The following AGAP3 variants were observed in gnomAD, a reference collection of about 807,000 sequenced individuals.
AGAP3 encodes ArfGAP with GTPase domain, ankyrin repeat and PH domain 3.
Under a neutral mutation model 96.9 loss-of-function variants are expected in AGAP3, and 24 were observed. That is an observed-to-expected ratio of 0.25 (90% CI 0.18 to 0.35). AGAP3 has a LOEUF of 0.35. Ranked by LOEUF, AGAP3 falls within the 10% of genes least tolerant of loss-of-function variation. The probability of loss-of-function intolerance (pLI) is 1.00; values close to 1 mark genes in which losing one functional copy is unlikely to be tolerated. For synonymous variants in AGAP3, 563 were observed against 536.1 expected (o/e 1.05, Z -0.69); for missense variants, 876 against 1,254.2 (o/e 0.70, Z 4.55).
rs1366813918 is a variant in AGAP3 at position 151,086,902 on chromosome 7, C to T, written c.161C>T (p.Ala54Val). The T allele has an allele frequency of 1.4e-6, 2 of 1,464,814 alleles. No individual in the cohort carries two copies. Among genetic ancestry groups the T allele is most frequent in the Non-Finnish European group, 1.8e-6 (2 of 1,100,248 alleles). The allele number at this position is 1,464,814 out of a possible 1,614,324, so 90.7% of individuals were successfully genotyped here. Residue 54 changes from alanine to valine, a missense_variant, in exon 1 of 18, where the codon GCC becomes GTC. Ala to Val is a moderately conservative substitution (Grantham distance 64, BLOSUM62 0). Coordinates refer to ENST00000397238, the MANE Select transcript of AGAP3 (RefSeq NM_031946.7). ...GGGGGPSQQLAGGPPQQFALS... is the reference protein window; with the variant it reads ...GGGGGPSQQLVGGPPQQFALS... ...GGCGGCGGCCCCTCGCAGCAGCTGGCCGGCGGGCCCCCCCAGCAGTTCGCG... is the reference window on the plus strand; with the variant it reads ...GGCGGCGGCCCCTCGCAGCAGCTGGTCGGCGGGCCCCCCCAGCAGTTCGCG...
At chr7:151,093,234 T>C (rs1554460578) in intron 1 of AGAP3, among the ~76,000 whole-genome samples, 1 of 152,184 alleles carries the variant, frequency 6.6e-6, no homozygotes, top group Non-Finnish European at 1.5e-5. Flanking sequence ...CTCAAAATCT[T>C]GGGCTCAAGC....
intron 1 of AGAP3, among the ~76,000 whole-genome samples, chr7:151,105,320 A>C (rs529327349): frequency 1.1e-4 from 17 of 152,328 alleles, no homozygotes; most frequent in Admixed American, 9.8e-4. Flanking sequence ...AACATAAAAG[A>C]AGCAAAAGAA....
chr7:151,140,328 TGAA>T lies in AGAP3; in HGVS notation c.1804+213_1804+215del. On this transcript the variant is annotated intron_variant, in intron 13 of 17. Coordinates refer to ENST00000397238, the MANE Select transcript of AGAP3 (RefSeq NM_031946.7). This position sits in a 1 kb window ranked among gnomAD's most constrained non-coding sequence, Gnocchi z 5.4. ...TTCTGATAACTGAAACCCTTTCTGT[TGAA>T]ATGTGGGCTTACTTCATTTATTCTT... 1 of 455,854 alleles carries T rather than the reference TGAA, an allele frequency of 2.2e-6. No individual in the cohort carries two copies. The highest frequency in any genetic ancestry group is 2.0e-5 in the African/African-American group (1 of 49,374). 28.2% of individuals were successfully genotyped at this position (455,854 alleles called of 1,614,324 possible).
rs982748686 is a variant in AGAP3 at position 151,139,431 on chromosome 7, T to G, written c.1667-548T>G. 2 of 152,248 alleles carry G rather than the reference T, an allele frequency of 1.3e-5. No homozygotes were observed. Among genetic ancestry groups the G allele is most frequent in the African/African-American group, 4.8e-5 (2 of 41,412 alleles). 9.4% of individuals were successfully genotyped at this position (152,248 alleles called of 1,614,324 possible). A position where few individuals can be genotyped will look rare whatever the true frequency, so the allele number is the denominator to read the frequency against. ...GTCCGGTGGCCTGTGCTGGCCTGCG[T>G]GAGGGCCCTCTGTTGAGTCTGGAAG... On this transcript the variant is annotated intron_variant, in intron 12 of 17. Transcript: ENST00000397238. This position sits in a 1 kb window ranked among gnomAD's most constrained non-coding sequence, Gnocchi z 4.9.
In AGAP3 at chr7:151,114,508, C is replaced by G. The variant is rs1799442635; in HGVS notation, c.332-2285C>G. The stretch of plus-strand genomic sequence containing the variant: ...GTTTTCGAGGGCTCCCAGGGGCTGC[C>G]CCAGCAGGCCGGCTCCCCCGCGCCG... On this transcript the variant is annotated intron_variant, in intron 1 of 17. Transcript: ENST00000397238. The surrounding 1 kb of genome is among the most constrained non-coding windows in gnomAD (Gnocchi z 4.4). Among the ~76,000 whole-genome samples, 1 of 152,194 alleles carries G rather than the reference C, an allele frequency of 6.6e-6. No individual in the cohort carries two copies. The highest frequency in any genetic ancestry group is 2.1e-4 in the South Asian group (1 of 4,838).
intron 1 of AGAP3, among the ~76,000 whole-genome samples, chr7:151,093,145 G>GTA (rs1360463166): frequency 1.3e-5 from 2 of 152,124 alleles, no homozygotes; most frequent in Non-Finnish European, 2.9e-5. Flanking sequence ...ATATGTGTGT[G>GTA]TATATATATT....
chr7:151,092,790 C>G (rs1798450714), intron 1 of AGAP3, among the ~76,000 whole-genome samples: 1 of 152,162 alleles, frequency 6.6e-6, no homozygotes, highest in Non-Finnish European at 1.5e-5. Flanking sequence ...CTCCAGGTCT[C>G]TGTGGTTTGC....
chr7:151,141,887 C>A lies in AGAP3; in HGVS notation c.1805-11C>A, dbSNP rs1343437821. ...CCAGGAGCCCTGATGGCATAAACAC[C>A]CCCCCAACAGAGGCAGAGGAGTCGT... On this transcript the variant is annotated splice_polypyrimidine_tract_variant and intron_variant, in intron 13 of 17. Coordinates refer to ENST00000397238, the MANE Select transcript of AGAP3 (RefSeq NM_031946.7). The surrounding 1 kb of genome is among the most constrained non-coding windows in gnomAD (Gnocchi z 4.2). 6.2e-6 allele frequency: 10 copies of A among 1,613,946 alleles called. No homozygotes were observed. Among genetic ancestry groups the A allele is most frequent in the Non-Finnish European group, 8.5e-6 (10 of 1,179,990 alleles).
Position 151,142,383 on chromosome 7 carries a change from C to T in AGAP3, c.2051-29C>T, listed in dbSNP as rs1173794146. The T allele has an allele frequency of 1.2e-5, 20 of 1,604,780 alleles. No homozygotes were observed. The East Asian group carries it at 2.0e-4, about 16-fold the overall frequency. On this transcript the variant is annotated intron_variant, in intron 15 of 17. Transcript: ENST00000397238. This position sits in a 1 kb window ranked among gnomAD's most constrained non-coding sequence, Gnocchi z 7.5. ...CGCGCTCTGGTGGCCTGCCTGCTGT[C>T]GCTGTATCATTCTCCTCTCCTTGCC...
chr7:151,098,786 G>T (rs1430757876), intron 1 of AGAP3, among the ~76,000 whole-genome samples: 1 of 140,668 alleles, frequency 7.1e-6, no homozygotes, highest in Non-Finnish European at 1.5e-5. Flanking sequence ...AGGCTGGAGT[G>T]CAGTGGTGCA....
chr7:151,115,652 G>T, intron 1 of AGAP3: 1 of 1,161,454 alleles, frequency 8.6e-7, no homozygotes, highest in Non-Finnish European at 1.1e-6. Flanking sequence ...GTAAGGGGGC[G>T]GGCCTGGGGG....
At position 151,142,052 on chromosome 7, in the gene AGAP3, G is replaced by T; in HGVS notation, c.1959G>T (p.Lys653Asn). The T allele has an allele frequency of 6.2e-7, 1 of 1,613,036 alleles. No individual in the cohort carries two copies. The highest frequency in any genetic ancestry group is 8.5e-7 in the Non-Finnish European group (1 of 1,179,294). The change falls in exon 14 of 18, where the codon AAG becomes AAT. Residue 653 changes from lysine to asparagine, a missense_variant and splice_region_variant. Lys to Asn is a moderately conservative substitution (Grantham distance 94). Around this residue, in one of 8 missense-constraint regions of AGAP3, gnomAD observed 103 missense variants for 183.0 expected, o/e 0.56. Transcript: ENST00000397238. The surrounding 1 kb of genome is among the most constrained non-coding windows in gnomAD (Gnocchi z 7.5). ...SLQGCRSAKDKTRLGNQNAAL... is the reference protein window; with the variant it reads ...SLQGCRSAKDNTRLGNQNAAL... The stretch of plus-strand genomic sequence containing the variant: ...AAGGCTGCCGCAGTGCCAAGGACAA[G>T]GTGGGTACAGAGTGACTGGGCCCAC...
intron 11 of AGAP3, chr7:151,137,610 CT>C (rs1325118807): frequency 6.6e-6 from 1 of 152,570 alleles, no homozygotes; most frequent in African/African-American, 2.4e-5. Flanking sequence ...TCGGTTCCCC[CT>C]GGCTCTGCCA....
At chr7:151,116,878 G>A in intron 2 of AGAP3, 27 bp downstream of exon 2, 1 of 1,607,618 alleles carries the variant, frequency 6.2e-7, no homozygotes, top group Non-Finnish European at 8.5e-7. Flanking sequence ...GGCAGCACCG[G>A]CGGCCTGGAG....
rs142921829 is a variant in AGAP3, at chr7:151,092,137, G to A, written c.331+5065G>A. On this transcript the variant is annotated intron_variant, in intron 1 of 17. Transcript: ENST00000397238. Reference sequence around the variant, plus strand: ...ATTCTGCGAAAGATGGGCGTCACAAGCGTTTAAGCCTTTGAGAAGGCTTGA... The same window carrying A: ...ATTCTGCGAAAGATGGGCGTCACAAACGTTTAAGCCTTTGAGAAGGCTTGA... 1.7e-3 allele frequency among the ~76,000 whole-genome samples: 261 copies of A among 152,302 alleles called. 1 individual carries two copies. Among genetic ancestry groups the A allele is most frequent in the Non-Finnish European group, 2.9e-3 (199 of 68,032 alleles).
intron 1 of AGAP3, among the ~76,000 whole-genome samples, chr7:151,094,588 G>C (rs928782287): frequency 6.6e-6 from 1 of 152,160 alleles, no homozygotes; most frequent in African/African-American, 2.4e-5. Context: ...CTATTAGTGA[G>C]AGTTGATATT....
At position 151,141,680 on chromosome 7, in the gene AGAP3, T is replaced by G; in HGVS notation, c.1805-218T>G. ...TCTGTTTTCACTTAAGCTCCACAGGTGGTTAGGAATGAGAACTGGGAGCTC... is the reference window on the plus strand; with the variant it reads ...TCTGTTTTCACTTAAGCTCCACAGGGGGTTAGGAATGAGAACTGGGAGCTC... On this transcript the variant is annotated intron_variant, in intron 13 of 17. Coordinates refer to ENST00000397238, the MANE Select transcript of AGAP3 (RefSeq NM_031946.7). The surrounding 1 kb of genome is among the most constrained non-coding windows in gnomAD (Gnocchi z 4.2). 1.7e-6 allele frequency: 1 copy of G among 576,140 alleles called. No homozygotes were observed. Among genetic ancestry groups the G allele is most frequent in the East Asian group, 3.0e-5 (1 of 33,874 alleles). 35.7% of individuals were successfully genotyped at this position (576,140 alleles called of 1,614,324 possible).
At chr7:151,104,848 C>T (rs1049064716) in intron 1 of AGAP3, among the ~76,000 whole-genome samples, 2 of 152,210 alleles carry the variant, frequency 1.3e-5, no homozygotes, top group Non-Finnish European at 2.9e-5. Context: ...TGTCCCTCAG[C>T]AGGGGAAGGG....
chr7:151,134,678 C>A, intron 11 of AGAP3, 110 bp downstream of exon 11: 1 of 1,138,308 alleles, frequency 8.8e-7, no homozygotes, highest in Non-Finnish European at 1.2e-6. Flanking sequence ...TGCTGGCCAG[C>A]ATCACACTTC....
Sources: allele counts gnomAD v4.1 joint callset (sites outside exome capture counted in the v4.1 genomes callset), GRCh38; gene constraint gnomAD v4.1.1; regional missense constraint gnomAD v4.1.1; non-coding constraint Gnocchi (gnomAD v3.1); transcripts MANE v1.5; gene names NCBI Gene and HGNC (gene_info 2026-07-23, HGNC 2026-07-21).